Variants in ARAP2 observed in about 807,000 individuals in gnomAD.
ARAP2 encodes the protein arf-GAP with Rho-GAP domain, ANK repeat and PH domain-containing protein 2.
In ARAP2, 148 loss-of-function variants were observed where a neutral mutation model predicts 194.5. That is an observed-to-expected ratio of 0.76 (90% CI 0.67 to 0.87). The LOEUF (loss-of-function observed/expected upper bound fraction) is 0.87, where lower values mean the gene tolerates loss of function less well. Ranked by LOEUF, ARAP2 falls within the 40% of genes least tolerant of loss-of-function variation. ARAP2 has a pLI of 0.00. For synonymous variants in ARAP2, 695 were observed against 683.5 expected (o/e 1.02, Z -0.26); for missense variants, 2,128 against 1,989.7 (o/e 1.07, Z -1.32).
chr4:36,156,389 G>GAGAAAGAAAGAAAGAA (rs1190805215), intron 15 of ARAP2, among the ~76,000 whole-genome samples: 12 of 12,584 alleles, frequency 9.5e-4, no homozygotes, highest in South Asian at 0.011. Context: ...AAGAGAGAGA[G>GAGAAAGAAAGAAAGAA]AGAAAGAAAG....
intron 26 of ARAP2, among the ~76,000 whole-genome samples, chr4:36,110,497 T>C (rs1719673010): frequency 6.6e-6 from 1 of 151,880 alleles, no homozygotes; most frequent in African/African-American, 2.4e-5. Context: ...TCTTTCAAGA[T>C]GTGAAAAACC....
intron 27 of ARAP2, among the ~76,000 whole-genome samples, chr4:36,103,116 G>A (rs1312214960): frequency 6.6e-6 from 1 of 151,578 alleles, no homozygotes; most frequent in African/African-American, 2.4e-5. Context: ...GAATGGCTCA[G>A]CTTTCCAGGT....
intron 19 of ARAP2, among the ~76,000 whole-genome samples, chr4:36,133,838 T>G (rs1269900676): frequency 6.6e-6 from 1 of 151,796 alleles, no homozygotes; most frequent in Non-Finnish European, 1.5e-5. Context: ...CCAATCTCAC[T>G]TCCTCTTTCT....
At chr4:36,206,197 C>A (rs1262978907) in intron 6 of ARAP2, among the ~76,000 whole-genome samples, 1 of 152,226 alleles carries the variant, frequency 6.6e-6, no homozygotes, top group Non-Finnish European at 1.5e-5. Context: ...CAGTCACTGA[C>A]AAAGGCACAA....
intron 22 of ARAP2, among the ~76,000 whole-genome samples, chr4:36,123,309 T>C (rs28712732): frequency 0.13 from 19,062 of 151,714 alleles, 2,072 homozygotes; most frequent in African/African-American, 0.29. Context: ...GGAAATACTC[T>C]TTTAGCTAGG....
chr4:36,174,604 G>T (rs1030931507), intron 9 of ARAP2, among the ~76,000 whole-genome samples: 3 of 152,126 alleles, frequency 2.0e-5, no homozygotes, highest in African/African-American at 7.2e-5. Context: ...ATCACCTGGG[G>T]TGCTTTTTTG....
At chr4:36,195,077 G>C (rs995812108) in intron 6 of ARAP2, among the ~76,000 whole-genome samples, 1 of 152,076 alleles carries the variant, frequency 6.6e-6, no homozygotes, top group South Asian at 2.1e-4. Context: ...CAGGTTGAAA[G>C]GATCATTTGA....
intron 15 of ARAP2, among the ~76,000 whole-genome samples, chr4:36,152,518 T>C (rs1578088734): frequency 2.0e-5 from 3 of 152,186 alleles, no homozygotes; most frequent in South Asian, 4.1e-4. Flanking sequence ...AGTACATAGA[T>C]AATCACTGGC....
intron 32 of ARAP2, among the ~76,000 whole-genome samples, chr4:36,072,543 T>C (rs1314852754): frequency 1.3e-5 from 2 of 152,030 alleles, no homozygotes; most frequent in Non-Finnish European, 2.9e-5. Flanking sequence ...TCTCTCCCTA[T>C]GTTAGTTTCA....
chr4:36,195,034 C>T (rs180811689), intron 6 of ARAP2, among the ~76,000 whole-genome samples: 13 of 151,830 alleles, frequency 8.6e-5, no homozygotes, highest in East Asian at 5.8e-4. Context: ...GGCATGGTAG[C>T]GCACAACTGT....
chr4:36,040,257 A>G (rs926911863), intron 5 of ARAP2, among the ~76,000 whole-genome samples: 2 of 152,200 alleles, frequency 1.3e-5, no homozygotes, highest in Admixed American at 6.5e-5. Context: ...TGGGATGAGC[A>G]AAACAAAATC....
At chr4:36,037,464 A>G (rs1282863379) in intron 5 of ARAP2, among the ~76,000 whole-genome samples, 1 of 152,186 alleles carries the variant, frequency 6.6e-6, no homozygotes, top group African/African-American at 2.4e-5. Context: ...TCTGTCTTTC[A>G]AAATAAAATT....
At chr4:36,048,179 TA>T (rs1436634920) in intron 3 of ARAP2, among the ~76,000 whole-genome samples, 1 of 152,254 alleles carries the variant, frequency 6.6e-6, no homozygotes, top group Non-Finnish European at 1.5e-5. Flanking sequence ...CAATTCACTA[TA>T]AATGCACAGG....
At chr4:36,160,132 C>T (rs1164266420) in intron 13 of ARAP2, 2 of 1,002,922 alleles carry the variant, frequency 2.0e-6, no homozygotes, top group Non-Finnish European at 2.4e-6. Context: ...AATAAGCTGC[C>T]TCTACATCTC....
chr4:36,131,762 T>C lies in ARAP2; in HGVS notation c.3427+1464A>G, dbSNP rs567360940. Among the ~76,000 whole-genome samples the C allele has an allele frequency of 3.4e-4, 51 of 151,920 alleles. No homozygotes were observed. The South Asian group carries it at 8.3e-3, about 25-fold the overall frequency. On this transcript the variant is annotated intron_variant, in intron 20 of 32. Coordinates refer to ENST00000303965, the MANE Select transcript of ARAP2 (RefSeq NM_015230.4). ...GGTATGAAGATTCCCAATAAGGTTA[T>C]GCTCCTGCTAAAACATAACATATAT...
intron 27 of ARAP2, among the ~76,000 whole-genome samples, chr4:36,106,640 A>G (rs1415127733): frequency 1.3e-5 from 2 of 151,972 alleles, no homozygotes; most frequent in Non-Finnish European, 2.9e-5. Flanking sequence ...GATTAAAATT[A>G]GGAGGAACAC....
At chr4:36,024,487 A>G (rs1717560390) in intron 5 of ARAP2, among the ~76,000 whole-genome samples, 1 of 152,152 alleles carries the variant, frequency 6.6e-6, no homozygotes, top group Admixed American at 6.6e-5. Flanking sequence ...TGTAAGTTAG[A>G]TTTTATTATT....
intron 6 of ARAP2, among the ~76,000 whole-genome samples, chr4:36,197,817 C>T (rs1244663304): frequency 1.3e-5 from 2 of 152,170 alleles, no homozygotes; most frequent in African/African-American, 4.8e-5. Context: ...CCAGAAGCAG[C>T]TTCCACAGCT....
At position 36,231,992 on chromosome 4, in the gene ARAP2, G is replaced by A. The variant is rs1297585306; in HGVS notation, c.-159-2347C>T. Among the ~76,000 whole-genome samples the A allele has an allele frequency of 1.3e-5, 2 of 152,194 alleles. 1 individual carries two copies. Among genetic ancestry groups the A allele is most frequent in the Non-Finnish European group, 2.9e-5 (2 of 68,042 alleles). On this transcript the variant is annotated intron_variant, in intron 1 of 32. Coordinates refer to ENST00000303965, the MANE Select transcript of ARAP2 (RefSeq NM_015230.4). ...GATTAGTTTCTTGCAAGAGACACCAGAGAGTTTTCTTTCCCCCAGGCCCAG... is the reference window on the plus strand; with the variant it reads ...GATTAGTTTCTTGCAAGAGACACCAAAGAGTTTTCTTTCCCCCAGGCCCAG...
Sources: gnomAD v4.1 joint callset for allele counts (sites outside exome capture counted in the v4.1 genomes callset) on GRCh38, gnomAD v4.1.1 for gene constraint, MANE v1.5 for transcripts, NCBI Gene and HGNC (gene_info 2026-07-23, HGNC 2026-07-21) for gene names.